The following CAMTA1 variants were observed in gnomAD, a reference collection of about 807,000 sequenced individuals.
The protein encoded by CAMTA1 is calmodulin binding transcription activator 1.
Under a neutral mutation model 170.9 loss-of-function variants are expected in CAMTA1, and 27 were observed. The observed-to-expected ratio is 0.16, with a 90% CI of 0.12 to 0.22. The LOEUF (loss-of-function observed/expected upper bound fraction) is 0.22. CAMTA1 is among the 10% of genes least tolerant of loss of function. The probability of loss-of-function intolerance (pLI) is 1.00; values close to 1 mark genes in which losing one functional copy is unlikely to be tolerated. For synonymous variants in CAMTA1, 833 were observed against 891.5 expected (o/e 0.93, Z 1.17); for missense variants, 1,619 against 2,217.2 (o/e 0.73, Z 5.42).
At chr1:7,128,831 C>CTTTT (rs34180837) in intron 4 of CAMTA1, among the ~76,000 whole-genome samples, 1 of 61,320 alleles carries the variant, frequency 1.6e-5, no homozygotes, top group Non-Finnish European at 2.9e-5. Context: ...GCTCCCCCTC[C>CTTTT]TTTTTTTTTT....
rs767818721 is a variant in CAMTA1, at chr1:7,663,673, C to G, written c.1126C>G (p.Pro376Ala). The G allele has an allele frequency of 6.2e-7, 1 of 1,614,156 alleles. No individual in the cohort carries two copies. Among genetic ancestry groups the G allele is most frequent in the South Asian group, 1.1e-5 (1 of 91,080 alleles). ...LNSDPDMVDS[P>A]VVTGVSGMAV... ...CAGCGACCCGGACATGGTGGACAGC[C>G]CGGTGGTCACAGGTGTGTCCGGTAT... Residue 376 changes from proline (P) to alanine (A), a missense_variant, in exon 9 of 23, where the codon CCG becomes GCG. Physicochemically the swap from Pro to Ala is conservative, Grantham distance 27 (BLOSUM62 -1). Coordinates refer to ENST00000303635, the MANE Select transcript of CAMTA1 (RefSeq NM_015215.4).
intron 5 of CAMTA1, among the ~76,000 whole-genome samples, chr1:7,283,616 T>G (rs1162948547): frequency 1.3e-5 from 2 of 152,196 alleles, no homozygotes; most frequent in African/African-American, 2.4e-5. Flanking sequence ...TCTTCAAATA[T>G]CTTCATTTCA....
Position 7,290,760 on chromosome 1 carries a change from G to A in CAMTA1, c.438+41134G>A, listed in dbSNP as rs1557451483. Among the ~76,000 whole-genome samples, 6 of 151,940 alleles carry A rather than the reference G, an allele frequency of 3.9e-5. No homozygotes were observed. In the South Asian group the frequency reaches 6.3e-4, roughly 16 times the overall value. ...GATGCCAGCAAGTGCTGTGGCTCTC[G>A]GGGACTCTCCGACAGATGACAGTCA... On this transcript the variant is annotated intron_variant, in intron 5 of 22. Coordinates refer to ENST00000303635, the MANE Select transcript of CAMTA1 (RefSeq NM_015215.4).
At position 6,873,128 on chromosome 1, in the gene CAMTA1, A is replaced by G. The variant is rs1022074456; in HGVS notation, c.234+47918A>G. Among the ~76,000 whole-genome samples, 5 of 152,326 alleles carry G rather than the reference A, an allele frequency of 3.3e-5. No individual in the cohort carries two copies. The South Asian group carries it at 8.3e-4, about 25-fold the overall frequency. On this transcript the variant is annotated intron_variant, in intron 3 of 22. Transcript: ENST00000303635. ...GTTGGGTATGTTTTCTTTTCACAGA[A>G]TTGCAAAATATCAGAGCTGAGAAAT...
chr1:7,460,102 A>G (rs1393250320), intron 5 of CAMTA1, among the ~76,000 whole-genome samples: 1 of 152,232 alleles, frequency 6.6e-6, no homozygotes, highest in African/African-American at 2.4e-5. Context: ...GAGATTCTGC[A>G]GAACTGTGTG....
intron 5 of CAMTA1, among the ~76,000 whole-genome samples, chr1:7,399,585 A>G (rs1163161655): frequency 6.6e-6 from 1 of 152,212 alleles, no homozygotes; most frequent in Non-Finnish European, 1.5e-5. Context: ...TTATGCTTTC[A>G]TATGTTTCAC....
At chr1:7,272,859 T>C (rs1670050739) in intron 5 of CAMTA1, among the ~76,000 whole-genome samples, 1 of 152,044 alleles carries the variant, frequency 6.6e-6, no homozygotes, top group African/African-American at 2.4e-5. Context: ...TGACTTTAGG[T>C]TGAGAAATGA....
rs2095330054 is a variant in CAMTA1 at position 7,588,542 on chromosome 1, G to A, written c.511-51858G>A. On this transcript the variant is annotated intron_variant, in intron 6 of 22. Coordinates refer to ENST00000303635, the MANE Select transcript of CAMTA1 (RefSeq NM_015215.4). The surrounding 1 kb of genome is among the most constrained non-coding windows in gnomAD (Gnocchi z 5.8). ...GGTGTGCCCAAGGCCACGAAGTGGA[G>A]CCCAGGTCTTGCAGACTCCAGACCT... Among the ~76,000 whole-genome samples the A allele has an allele frequency of 6.6e-6, 1 of 152,242 alleles. No individual in the cohort carries two copies. The highest frequency in any genetic ancestry group is 2.4e-5 in the African/African-American group (1 of 41,466).
intron 4 of CAMTA1, among the ~76,000 whole-genome samples, chr1:7,227,425 T>C (rs974446227): frequency 6.6e-6 from 1 of 152,060 alleles, no homozygotes; most frequent in Non-Finnish European, 1.5e-5. Flanking sequence ...CCTTCTGGGT[T>C]CAAGCGATTC....
At chr1:7,597,578 GGAGA>G (rs150258747) in intron 6 of CAMTA1, among the ~76,000 whole-genome samples, 3 of 150,812 alleles carry the variant, frequency 2.0e-5, no homozygotes, top group East Asian at 1.9e-4. Context: ...GTATATATAT[GGAGA>G]GAGAGAGAGA....
At chr1:6,999,133 G>A (rs143191743) in intron 3 of CAMTA1, among the ~76,000 whole-genome samples, 1 of 152,250 alleles carries the variant, frequency 6.6e-6, no homozygotes, top group East Asian at 1.9e-4. Context: ...CCCACTCTGT[G>A]TTCCCAGTGT....
chr1:6,829,445 A>G (rs1279283890), intron 3 of CAMTA1, among the ~76,000 whole-genome samples: 2 of 152,206 alleles, frequency 1.3e-5, no homozygotes, highest in African/African-American at 2.4e-5. Flanking sequence ...AACCAAATCA[A>G]TTTTAGATTG....
At chr1:7,442,057 C>T (rs531422068) in intron 5 of CAMTA1, among the ~76,000 whole-genome samples, 1 of 152,264 alleles carries the variant, frequency 6.6e-6, no homozygotes, top group Non-Finnish European at 1.5e-5. Flanking sequence ...CTGTCCTCAG[C>T]CCTGAAACCT....
intron 6 of CAMTA1, among the ~76,000 whole-genome samples, chr1:7,610,545 A>G (rs1442846062): frequency 6.6e-6 from 1 of 152,164 alleles, no homozygotes; most frequent in Non-Finnish European, 1.5e-5. Context: ...CAAATGTTCT[A>G]GCCTGGTTCT....
At chr1:6,863,219 A>G (rs1665407143) in intron 3 of CAMTA1, among the ~76,000 whole-genome samples, 1 of 152,228 alleles carries the variant, frequency 6.6e-6, no homozygotes, top group Non-Finnish European at 1.5e-5. Context: ...TTTCAAATAA[A>G]CAATACAGTA....
In CAMTA1 at chr1:7,224,109, A is replaced by G. The variant is rs990826929; in HGVS notation, c.303-25382A>G. Among the ~76,000 whole-genome samples the G allele has an allele frequency of 1.4e-4, 21 of 152,312 alleles. No individual in the cohort carries two copies. The highest frequency in any genetic ancestry group is 4.6e-4 in the African/African-American group (19 of 41,572). On this transcript the variant is annotated intron_variant, in intron 4 of 22. Transcript: ENST00000303635. This position sits in a 1 kb window ranked among gnomAD's most constrained non-coding sequence, Gnocchi z 5.2. ...AGTTGTATAAAGGATGGGGCACCTT[A>G]ACGTTTGTAGCACCTTTACATAAAG...
At chr1:7,654,397 A>G (rs2095866102) in intron 7 of CAMTA1, among the ~76,000 whole-genome samples, 1 of 151,830 alleles carries the variant, frequency 6.6e-6, no homozygotes, top group South Asian at 2.1e-4. Context: ...AAATAAATAA[A>G]TATATTAAAA....
At chr1:6,911,057 T>C (rs777796735) in intron 3 of CAMTA1, among the ~76,000 whole-genome samples, 1 of 152,222 alleles carries the variant, frequency 6.6e-6, no homozygotes, top group African/African-American at 2.4e-5. Flanking sequence ...GCAGCTGCAT[T>C]AATTACATCC....
At chr1:7,575,709 T>C (rs2095182779) in intron 6 of CAMTA1, among the ~76,000 whole-genome samples, 1 of 151,616 alleles carries the variant, frequency 6.6e-6, no homozygotes, top group African/African-American at 2.4e-5. Flanking sequence ...GATTGATTAG[T>C]AATGTCTGGC....
Sources: allele counts gnomAD v4.1 joint callset (sites outside exome capture counted in the v4.1 genomes callset), GRCh38; gene constraint gnomAD v4.1.1; non-coding constraint Gnocchi (gnomAD v3.1); transcripts MANE v1.5; gene names NCBI Gene and HGNC (gene_info 2026-07-23, HGNC 2026-07-21).